PSPH: variants seen among roughly 807,000 people sequenced by gnomAD.
PSPH encodes the protein phosphoserine phosphatase.
PSPH carries 16 observed loss-of-function variants against 23.4 expected under a neutral mutation model. That is an observed-to-expected ratio of 0.68 (90% CI 0.46 to 1.04). PSPH has a LOEUF of 1.04. PSPH is among the 50% of genes least tolerant of loss of function. The pLI is 0.00. For missense variants in PSPH, 223 were observed against 273.7 expected (o/e 0.81, Z 1.31); for synonymous variants, 68 against 99.7 (o/e 0.68, Z 1.89).
In PSPH at chr7:56,019,731, T is replaced by G. The variant is rs1200445187; in HGVS notation, c.144A>C (p.Thr48=). 6.2e-7 allele frequency: 1 copy of G among 1,613,020 alleles called. No individual in the cohort carries two copies. Among genetic ancestry groups the G allele is most frequent in the African/African-American group, 1.3e-5 (1 of 74,940 alleles). Residue 48 remains threonine (T), a synonymous_variant, in exon 5 of 8, where the codon ACA becomes ACC. Transcript: ENST00000275605. ...GCACTGCCCCGCCCATGGCTCGCCGTGTCCTAGGAGGGAGACCCAACAGTC... is the reference window on the plus strand; with the variant it reads ...GCACTGCCCCGCCCATGGCTCGCCGGGTCCTAGGAGGGAGACCCAACAGTC... The part of the protein sequence containing the change: ...CGVEDAVSEM[T]RRAMGGAVPF...
At chr7:56,015,404 G>A (rs2116520645) in intron 6 of PSPH, among the ~76,000 whole-genome samples, 1 of 152,232 alleles carries the variant, frequency 6.6e-6, no homozygotes, top group Non-Finnish European at 1.5e-5. Context: ...GTCTTGGTAT[G>A]TTGCCCAGGT....
chr7:56,029,582 C>A (rs1562807456), intron 3 of PSPH, among the ~76,000 whole-genome samples: 1 of 151,642 alleles, frequency 6.6e-6, no homozygotes. Flanking sequence ...CCAGGGCCAG[C>A]CTTCGGAGGT....
At chr7:56,013,307 CA>C (rs1305494157) in intron 7 of PSPH, among the ~76,000 whole-genome samples, 1 of 151,834 alleles carries the variant, frequency 6.6e-6, no homozygotes, top group Non-Finnish European at 1.5e-5. Flanking sequence ...TCACTTAAGC[CA>C]GGAGTTCAAG....
chr7:56,025,623 C>T (rs981479551), intron 3 of PSPH, among the ~76,000 whole-genome samples: 7 of 151,858 alleles, frequency 4.6e-5, no homozygotes, highest in Non-Finnish European at 1.0e-4. Flanking sequence ...GAGTCTTGCT[C>T]TGTCACCCAG....
chr7:56,031,119 G>A (rs936740410), intron 3 of PSPH, among the ~76,000 whole-genome samples: 3 of 151,546 alleles, frequency 2.0e-5, no homozygotes, highest in African/African-American at 7.3e-5. Flanking sequence ...GCTGAGGCAG[G>A]AGAATGGCGT....
intron 1 of PSPH, among the ~76,000 whole-genome samples, chr7:56,046,750 C>T (rs181465791): frequency 6.7e-6 from 1 of 149,690 alleles, no homozygotes; most frequent in Admixed American, 6.7e-5. Context: ...CACCACTACA[C>T]TCCAGCCTGG....
At chr7:56,036,772 AAT>A (rs537799191) in intron 1 of PSPH, among the ~76,000 whole-genome samples, 1 of 151,694 alleles carries the variant, frequency 6.6e-6, no homozygotes, top group Non-Finnish European at 1.5e-5. Context: ...ATCACATTAA[AAT>A]ATATATATAT....
chr7:56,040,932 G>A (rs536004154), intron 1 of PSPH, among the ~76,000 whole-genome samples: 1 of 152,068 alleles, frequency 6.6e-6, no homozygotes, highest in African/African-American at 2.4e-5. Context: ...GGAAACCCTT[G>A]TAACCCAAGG....
intron 7 of PSPH, among the ~76,000 whole-genome samples, chr7:56,013,156 TACAC>T (rs34329610): frequency 0.033 from 4,678 of 142,104 alleles, 158 homozygotes; most frequent in African/African-American, 0.091. Context: ...TGTATGTGTA[TACAC>T]ACACACACAC....
intron 1 of PSPH, among the ~76,000 whole-genome samples, chr7:56,044,994 C>G (rs1793035522): frequency 6.6e-6 from 1 of 150,694 alleles, no homozygotes. Context: ...ATCGCTTGAA[C>G]TCGGGAGGTG....
intron 1 of PSPH, among the ~76,000 whole-genome samples, chr7:56,048,211 C>T (rs556278831): frequency 1.7e-3 from 260 of 150,322 alleles, no homozygotes; most frequent in African/African-American, 6.0e-3. Context: ...CCCGAGGAGG[C>T]GGAGGCTGCA....
intron 3 of PSPH, among the ~76,000 whole-genome samples, chr7:56,025,988 C>T (rs556886134): frequency 6.6e-6 from 1 of 152,266 alleles, no homozygotes; most frequent in South Asian, 2.1e-4. Context: ...GAAAGTCCTA[C>T]TTCTTCACCG....
At chr7:56,036,000 G>C (rs183508741) in intron 1 of PSPH, among the ~76,000 whole-genome samples, 1,557 of 152,126 alleles carry the variant, frequency 0.01, 21 homozygotes, top group African/African-American at 0.034. Flanking sequence ...AGGCCGAGGT[G>C]GGTGTATCAT....
chr7:56,043,458 G>T (rs1403070035), intron 1 of PSPH, among the ~76,000 whole-genome samples: 1 of 151,968 alleles, frequency 6.6e-6, no homozygotes, highest in Non-Finnish European at 1.5e-5. Flanking sequence ...TTCAAGGCTA[G>T]CCTCAGCAAC....
chr7:56,021,890 C>T (rs1441438770), intron 3 of PSPH, among the ~76,000 whole-genome samples: 10 of 135,280 alleles, frequency 7.4e-5, no homozygotes, highest in African/African-American at 2.8e-4. Context: ...GTGGAGCTTG[C>T]GGTGAGCCAA....
At chr7:56,049,005 C>T (rs772818284) in intron 1 of PSPH, among the ~76,000 whole-genome samples, 1 of 151,730 alleles carries the variant, frequency 6.6e-6, no homozygotes, top group African/African-American at 2.4e-5. Context: ...CTGCAAGCTC[C>T]GCCTCTTGGA....
At chr7:56,012,474 C>T (rs1292242206) in intron 7 of PSPH, among the ~76,000 whole-genome samples, 1 of 152,074 alleles carries the variant, frequency 6.6e-6, no homozygotes, top group East Asian at 2.0e-4. Flanking sequence ...AGCCACCGCT[C>T]CTGGCTGATT....
At chr7:56,021,594 GATAT>G (rs199712183) in intron 3 of PSPH, among the ~76,000 whole-genome samples, 5 of 148,048 alleles carry the variant, frequency 3.4e-5, no homozygotes, top group African/African-American at 5.0e-5. Flanking sequence ...TTTTCTTTTA[GATAT>G]ATATATAGTT....
chr7:56,020,768 G>A lies in PSPH; in HGVS notation c.140+305C>T, dbSNP rs1789266009. Among the ~76,000 whole-genome samples the A allele has an allele frequency of 5.3e-5, 8 of 152,254 alleles. No individual in the cohort carries two copies. The South Asian group carries it at 1.7e-3, about 32-fold the overall frequency. On this transcript the variant is annotated intron_variant, in intron 4 of 7. Coordinates refer to ENST00000275605, the MANE Select transcript of PSPH (RefSeq NM_004577.4). ...CCAAGAGACTCTGAACCTTTCCAGG[G>A]AACCACTAAGGTCACACTTTCAACC...
Sources: allele counts gnomAD v4.1 joint callset (sites outside exome capture counted in the v4.1 genomes callset), GRCh38; gene constraint gnomAD v4.1.1; transcripts MANE v1.5; gene names NCBI Gene and HGNC (gene_info 2026-07-23, HGNC 2026-07-21).